Variants in ADGRL3 observed in about 807,000 individuals in gnomAD.
ADGRL3 encodes calcium-independent alpha-latrotoxin receptor 3.
ADGRL3 carries 62 observed loss-of-function variants against 153.5 expected under a neutral mutation model. The observed-to-expected ratio is 0.40, with a 90% CI of 0.33 to 0.50. The LOEUF (loss-of-function observed/expected upper bound fraction) is 0.50. Ranked by LOEUF, ADGRL3 falls within the 20% of genes least tolerant of loss-of-function variation. The probability of loss-of-function intolerance (pLI) is 0.47; values close to 1 mark genes in which losing one functional copy is unlikely to be tolerated. For synonymous variants in ADGRL3, 710 were observed against 672.5 expected, an observed-to-expected ratio of 1.06 and a Z score of -0.86; for missense variants, 1,641 against 1,859.4, an observed-to-expected ratio of 0.88 and a Z score of 2.16.
chr4:61,217,653 T>A (rs1480912286), intron 1 of ADGRL3, among the ~76,000 whole-genome samples: 1 of 152,212 alleles, frequency 6.6e-6, no homozygotes, highest in African/African-American at 2.4e-5. Context: ...AGATTTGAGT[T>A]GAGCAGGAAT....
chr4:61,726,401 G>C (rs1223249043), intron 6 of ADGRL3, among the ~76,000 whole-genome samples: 1 of 151,822 alleles, frequency 6.6e-6, no homozygotes, highest in Non-Finnish European at 1.5e-5. Flanking sequence ...GTTTCACCGT[G>C]TTGGCCAGGC....
intron 1 of ADGRL3, among the ~76,000 whole-genome samples, chr4:61,271,696 C>T (rs1005620315): frequency 1.3e-5 from 2 of 151,914 alleles, no homozygotes; most frequent in Admixed American, 1.3e-4. Flanking sequence ...ATGGCCAGCC[C>T]AGAATTAATG....
intron 8 of ADGRL3, among the ~76,000 whole-genome samples, chr4:61,752,978 G>C (rs80115973): frequency 1.3e-5 from 2 of 151,788 alleles, no homozygotes; most frequent in Admixed American, 1.3e-4. Context: ...ATATTTGGGG[G>C]TATTGTGTAC....
intron 9 of ADGRL3, among the ~76,000 whole-genome samples, chr4:61,826,267 C>A (rs995952026): frequency 6.6e-6 from 1 of 152,152 alleles, no homozygotes; most frequent in African/African-American, 2.4e-5. Flanking sequence ...GTGAGTTGGC[C>A]ATTATTACAG....
intron 1 of ADGRL3, among the ~76,000 whole-genome samples, chr4:61,312,512 C>T (rs1214212168): frequency 1.3e-5 from 2 of 151,970 alleles, no homozygotes; most frequent in African/African-American, 2.4e-5. Flanking sequence ...TGATAAAAGG[C>T]TTATATTTGA....
chr4:61,369,454 T>A lies in ADGRL3; in HGVS notation c.-239-13670T>A, dbSNP rs921802351. On this transcript the variant is annotated intron_variant, in intron 1 of 26. Transcript: ENST00000683033. ...TTTAGCATGAAGGGTTGTTGAATTTTGTCAAAGGCCTTTTCTGCATCTATT... is the reference window on the plus strand; with the variant it reads ...TTTAGCATGAAGGGTTGTTGAATTTAGTCAAAGGCCTTTTCTGCATCTATT... Among the ~76,000 whole-genome samples, 24 of 152,178 alleles carry A rather than the reference T, an allele frequency of 1.6e-4. 1 individual carries two copies. Among genetic ancestry groups the A allele is most frequent in the Non-Finnish European group, 3.1e-4 (21 of 68,030 alleles).
chr4:61,708,084 G>A (rs1032388445), intron 6 of ADGRL3, among the ~76,000 whole-genome samples: 2 of 151,930 alleles, frequency 1.3e-5, no homozygotes, highest in East Asian at 1.9e-4. Context: ...GGGTCACTTG[G>A]TGCTGCTTTA....
intron 1 of ADGRL3, among the ~76,000 whole-genome samples, chr4:61,322,910 C>T (rs2095389934): frequency 1.3e-5 from 2 of 152,172 alleles, no homozygotes; most frequent in Admixed American, 1.3e-4. Context: ...CTGTGTGGGG[C>T]CTCCCACCCA....
intron 17 of ADGRL3, among the ~76,000 whole-genome samples, chr4:61,974,105 C>G (rs1363140257): frequency 6.6e-6 from 1 of 152,030 alleles, no homozygotes; most frequent in Non-Finnish European, 1.5e-5. Flanking sequence ...GTAGCTGTGA[C>G]TACAGGCACC....
chr4:61,842,597 G>A (rs2098049673), intron 9 of ADGRL3, among the ~76,000 whole-genome samples: 1 of 151,884 alleles, frequency 6.6e-6, no homozygotes, highest in Non-Finnish European at 1.5e-5. Context: ...GCATCTGGCT[G>A]AAACACCATC....
At chr4:61,552,000 G>A (rs1457843692) in intron 4 of ADGRL3, among the ~76,000 whole-genome samples, 1 of 151,982 alleles carries the variant, frequency 6.6e-6, no homozygotes, top group East Asian at 1.9e-4. Flanking sequence ...TCCACTAAGG[G>A]GTAAGTAAAA....
At chr4:61,755,855 A>G (rs2096822881) in intron 8 of ADGRL3, among the ~76,000 whole-genome samples, 2 of 152,164 alleles carry the variant, frequency 1.3e-5, no homozygotes, top group Non-Finnish European at 2.9e-5. Context: ...CAGTTTTCCC[A>G]GCACCATTTA....
chr4:61,936,432 G>A (rs1359647468), intron 15 of ADGRL3, among the ~76,000 whole-genome samples: 1 of 151,792 alleles, frequency 6.6e-6, no homozygotes, highest in East Asian at 1.9e-4. Context: ...ATATTTTTTG[G>A]TTATTCAGCT....
intron 9 of ADGRL3, among the ~76,000 whole-genome samples, chr4:61,872,706 T>G (rs1291329782): frequency 6.6e-6 from 1 of 151,332 alleles, no homozygotes; most frequent in Non-Finnish European, 1.5e-5. Context: ...CACTTTGCCA[T>G]CCAGAAAAAA....
At chr4:62,016,434 T>C (rs1364839243) in intron 21 of ADGRL3, among the ~76,000 whole-genome samples, 1 of 152,224 alleles carries the variant, frequency 6.6e-6, no homozygotes, top group Non-Finnish European at 1.5e-5. Flanking sequence ...TTTCCATTTC[T>C]TTATGTAATG....
intron 11 of ADGRL3, among the ~76,000 whole-genome samples, chr4:61,899,488 C>A (rs1344105087): frequency 6.6e-6 from 1 of 151,996 alleles, no homozygotes; most frequent in Non-Finnish European, 1.5e-5. Context: ...ACACTTTTTA[C>A]CCCCAATGGA....
intron 4 of ADGRL3, among the ~76,000 whole-genome samples, chr4:61,583,057 A>G (rs973215195): frequency 7.2e-5 from 11 of 152,066 alleles, no homozygotes; most frequent in Admixed American, 1.3e-4. Context: ...AATTAATTAT[A>G]TTTGTTATAA....
At chr4:61,394,913 A>C (rs2096852615) in intron 2 of ADGRL3, among the ~76,000 whole-genome samples, 1 of 152,090 alleles carries the variant, frequency 6.6e-6, no homozygotes, top group African/African-American at 2.4e-5. Flanking sequence ...ATGTATGTAT[A>C]ATCTTGTAAA....
chr4:61,909,801 G>A, intron 12 of ADGRL3, 56 bp downstream of exon 12: 2 of 1,118,158 alleles, frequency 1.8e-6, no homozygotes, highest in Non-Finnish European at 1.2e-6. Context: ...GTGTGTGTGT[G>A]TCTTTAAAGT....
Sources: gnomAD v4.1 joint callset for allele counts (sites outside exome capture counted in the v4.1 genomes callset) on GRCh38, gnomAD v4.1.1 for gene constraint, MANE v1.5 for transcripts, NCBI Gene and HGNC (gene_info 2026-07-23, HGNC 2026-07-21) for gene names.